The following SVOP variants were observed in gnomAD, a reference collection of about 807,000 sequenced individuals.
The protein encoded by SVOP is synaptic vesicle 2-related protein.
Under a neutral mutation model 69.1 loss-of-function variants are expected in SVOP, and 17 were observed. The ratio of observed to expected loss-of-function variants is 0.25; its 90% confidence interval spans 0.17 to 0.37. The LOEUF (loss-of-function observed/expected upper bound fraction) is 0.37, where lower values mean the gene tolerates loss of function less well. SVOP is among the 10% of genes least tolerant of loss of function. The probability of loss-of-function intolerance (pLI) is 1.00; values close to 1 mark genes in which losing one functional copy is unlikely to be tolerated. For missense variants in SVOP, 435 were observed against 597.5 expected (o/e 0.73, Z 2.84); for synonymous variants, 238 against 238.6 (o/e 1.00, Z 0.02).
chr12:109,007,771 G>A (rs944702729), intron 1 of SVOP, among the ~76,000 whole-genome samples: 1 of 152,198 alleles, frequency 6.6e-6, no homozygotes, highest in Non-Finnish European at 1.5e-5. Flanking sequence ...CAGCACAGTG[G>A]CTCATGCCTA....
intron 2 of SVOP, among the ~76,000 whole-genome samples, chr12:108,982,950 A>G (rs1292552102): frequency 9.3e-5 from 14 of 150,704 alleles, no homozygotes; most frequent in African/African-American, 3.2e-4. Context: ...CATCACCATC[A>G]TGATCACCAT....
At position 108,938,898 on chromosome 12, in the gene SVOP, C is replaced by T. The variant is rs752762976; in HGVS notation, c.826G>A (p.Ala276Thr). ...TCAGTTGCTATCCTCTTTAAGGTGG[C>T]GATTGCCTTTTCCTGGTTCCCTGAC... ...VLSGNQEKAI[A>T]TLKRIATENG... The change falls in exon 9 of 16, where the codon GCC becomes ACC. Residue 276 changes from alanine (A) to threonine (T), a missense_variant. Transcript: ENST00000610966. The T allele has an allele frequency of 2.5e-6, 4 of 1,613,844 alleles. No homozygotes were observed. Among genetic ancestry groups the T allele is most frequent in the Middle Eastern group, 1.6e-4 (1 of 6,082 alleles).
At chr12:108,952,661 A>G (rs2039962643) in intron 6 of SVOP, among the ~76,000 whole-genome samples, 1 of 151,996 alleles carries the variant, frequency 6.6e-6, no homozygotes, top group Non-Finnish European at 1.5e-5. Flanking sequence ...ACACAGTGAG[A>G]CCGCCCACCC....
chr12:108,986,057 G>A (rs2040164191), intron 1 of SVOP, among the ~76,000 whole-genome samples: 1 of 152,198 alleles, frequency 6.6e-6, no homozygotes, highest in African/African-American at 2.4e-5. Flanking sequence ...GCAGGGCCCA[G>A]CACAGGGCTG....
At chr12:108,915,327 C>T (rs1283164878) in intron 15 of SVOP, among the ~76,000 whole-genome samples, 1 of 152,104 alleles carries the variant, frequency 6.6e-6, no homozygotes. Context: ...ATTTTCAGCC[C>T]ATGACTCCCA....
At chr12:108,926,432 C>T (rs2039780550) in intron 11 of SVOP, 2 of 152,092 alleles carry the variant, frequency 1.3e-5, no homozygotes, top group Admixed American at 1.3e-4. Flanking sequence ...TAACCCAATC[C>T]ACAGAAATAT....
chr12:108,953,004 G>A (rs953457829), intron 6 of SVOP, among the ~76,000 whole-genome samples: 1 of 152,214 alleles, frequency 6.6e-6, no homozygotes, highest in Admixed American at 6.5e-5. Flanking sequence ...AAAGTGCCCA[G>A]CACTTGGTAA....
chr12:109,011,444 C>A (rs937708881), intron 1 of SVOP, among the ~76,000 whole-genome samples: 2 of 152,208 alleles, frequency 1.3e-5, no homozygotes, highest in Non-Finnish European at 2.9e-5. Context: ...CCCTATCTCT[C>A]TTCCTTGTCT....
chr12:108,956,896 G>C (rs934007236), intron 6 of SVOP, among the ~76,000 whole-genome samples: 1 of 152,216 alleles, frequency 6.6e-6, no homozygotes, highest in African/African-American at 2.4e-5. Flanking sequence ...TCAGCTTGGA[G>C]ACGATGCCCT....
At chr12:108,956,348 C>A (rs2039986001) in intron 6 of SVOP, among the ~76,000 whole-genome samples, 1 of 151,634 alleles carries the variant, frequency 6.6e-6, no homozygotes, top group African/African-American at 2.4e-5. Flanking sequence ...GCTGTCTCTT[C>A]CAGTCTTCCC....
At position 108,908,783 on chromosome 12, in the gene SVOP, T is replaced by C. The variant is rs145570447; in HGVS notation, c.*3752A>G. On this transcript the variant is annotated 3_prime_UTR_variant, in exon 16 of 16. Transcript: ENST00000610966. ...GCAACCATCGCCCATCCAACAGCCA[T>C]TGCTATCCTTCTTCTGTGCTAACAG... 4.6e-5 allele frequency: 7 copies of C among 152,354 alleles called. No individual in the cohort carries two copies. Among genetic ancestry groups the C allele is most frequent in the Non-Finnish European group, 7.3e-5 (5 of 68,050 alleles). The allele number at this position is 152,354 out of a possible 1,614,324, so 9.4% of individuals were successfully genotyped here. A position where few individuals can be genotyped will look rare whatever the true frequency, so the allele number is the denominator to read the frequency against.
chr12:108,919,490 CA>C (rs1206447736), intron 13 of SVOP, among the ~76,000 whole-genome samples, 184 bp downstream of exon 13: 1 of 151,842 alleles, frequency 6.6e-6, no homozygotes, highest in Non-Finnish European at 1.5e-5. Context: ...CCTGGGCATA[CA>C]CCAACACATG....
At chr12:108,922,196 C>T (rs756103935) in intron 12 of SVOP, among the ~76,000 whole-genome samples, 2 of 152,174 alleles carry the variant, frequency 1.3e-5, no homozygotes, top group Non-Finnish European at 2.9e-5. Context: ...CCCTCTGGAG[C>T]AAAGGGCAGG....
chr12:108,949,352 C>A (rs2039942448), intron 6 of SVOP, among the ~76,000 whole-genome samples: 2 of 151,994 alleles, frequency 1.3e-5, no homozygotes, highest in South Asian at 4.2e-4. Context: ...CTCACTGCAA[C>A]CTCTGCCTCC....
chr12:108,955,435 T>C (rs889286480), intron 6 of SVOP, among the ~76,000 whole-genome samples: 2 of 152,178 alleles, frequency 1.3e-5, no homozygotes, highest in Non-Finnish European at 2.9e-5. Context: ...TGCGGCTCCA[T>C]TAATAGCCTT....
rs762554356 is a variant in SVOP, at chr12:108,922,796, G to A, written c.1050C>T (p.Ile350=). 1 of 1,601,322 alleles carries A rather than the reference G, an allele frequency of 6.2e-7. No homozygotes were observed. Among genetic ancestry groups the A allele is most frequent in the Non-Finnish European group, 8.5e-7 (1 of 1,173,844 alleles). ...CCTCTACAGCCTTCTTCCGACTGGAGACTGGGGTTGGGAGAGAGAAAGAGA... is the reference window on the plus strand; with the variant it reads ...CCTCTACAGCCTTCTTCCGACTGGAAACTGGGGTTGGGAGAGAGAAAGAGA... ...ELFQAGDVCG[I]SSRKKAVEAK... Residue 350 remains isoleucine (I), a splice_region_variant and synonymous_variant, in exon 12 of 16, where the codon ATC becomes ATT. Transcript: ENST00000610966.
intron 1 of SVOP, among the ~76,000 whole-genome samples, chr12:109,005,554 T>C (rs1253189521): frequency 6.6e-6 from 1 of 151,970 alleles, no homozygotes; most frequent in African/African-American, 2.4e-5. Flanking sequence ...AATACACAAG[T>C]AAACAAATAC....
At chr12:108,992,428 C>T (rs1290990172) in intron 1 of SVOP, among the ~76,000 whole-genome samples, 1 of 152,100 alleles carries the variant, frequency 6.6e-6, no homozygotes, top group Non-Finnish European at 1.5e-5. Flanking sequence ...GTAGTCCTAG[C>T]TACTCAGGAG....
intron 5 of SVOP, among the ~76,000 whole-genome samples, chr12:108,961,874 T>C (rs1311870042): frequency 1.3e-5 from 2 of 152,200 alleles, no homozygotes. Context: ...ATTTCTTTCT[T>C]TTTCTCATTA....
Sources: gnomAD v4.1 joint callset for allele counts (sites outside exome capture counted in the v4.1 genomes callset) on GRCh38, gnomAD v4.1.1 for gene constraint, MANE v1.5 for transcripts, NCBI Gene and HGNC (gene_info 2026-07-23, HGNC 2026-07-21) for gene names.